The following EPHA10 variants were observed in gnomAD, a reference collection of about 807,000 sequenced individuals.
The protein encoded by EPHA10 is EPH receptor A10.
In EPHA10, 120 loss-of-function variants were observed where a neutral mutation model predicts 109.7. The observed-to-expected ratio is 1.09, with a 90% confidence interval of 0.94 to 1.27. EPHA10 has a LOEUF of 1.27. Ranked by LOEUF, EPHA10 falls within the 50% of genes most tolerant of loss-of-function variation. The pLI, the probability that EPHA10 is intolerant of heterozygous loss-of-function variation, is 0.00. For missense variants in EPHA10, 1,396 were observed against 1,411.1 expected, an observed-to-expected ratio of 0.99 and a Z score of 0.17; for synonymous variants, 640 against 618.9, an observed-to-expected ratio of 1.03 and a Z score of -0.51.
intron 5 of EPHA10, among the ~76,000 whole-genome samples, chr1:37,739,821 T>A (rs1403055014): frequency 6.6e-6 from 1 of 151,764 alleles, no homozygotes; most frequent in African/African-American, 2.4e-5. Context: ...CCCCAGGTAT[T>A]GGAGTTCATG....
chr1:37,751,247 A>G (rs945420499), intron 5 of EPHA10, among the ~76,000 whole-genome samples: 3 of 149,642 alleles, frequency 2.0e-5, no homozygotes, highest in Non-Finnish European at 4.5e-5. Context: ...AAAAAGAAAA[A>G]AAAAAAAGAA....
Position 37,754,604 on chromosome 1 carries a change from C to T in EPHA10, c.851-234G>A, listed in dbSNP as rs1569761897. 6.6e-6 allele frequency among the ~76,000 whole-genome samples: 1 copy of T among 150,478 alleles called. No individual in the cohort carries two copies. The highest frequency in any genetic ancestry group is 1.5e-5 in the Non-Finnish European group (1 of 67,836). The stretch of plus-strand genomic sequence containing the variant: ...GAAACATTTTACTTTCAGCCGGGCG[C>T]GGTGGCTCATGCCTGTAATCCCAGC... On this transcript the variant is annotated intron_variant, in intron 3 of 16. Transcript: ENST00000373048. The surrounding 1 kb of genome is among the most constrained non-coding windows in gnomAD (Gnocchi z 4.5).
In EPHA10 at chr1:37,761,535, G is replaced by A. The variant is rs1222128985; in HGVS notation, c.720C>T (p.Cys240=). Residue 240 remains cysteine (C), a synonymous_variant, in exon 3 of 17, where the codon TGC becomes TGT. Transcript: ENST00000373048. The stretch of plus-strand genomic sequence containing the variant: ...CAGGCTCCCCTTCCGAGTGCGCCAC[G>A]CACGTTCCGGCCACTTCCACCAGTG... The part of the protein sequence containing the change: ...FSTLVEVAGT[C]VAHSEGEPGS... The A allele has an allele frequency of 1.9e-6, 3 of 1,598,632 alleles. No individual in the cohort carries two copies. Among genetic ancestry groups the A allele is most frequent in the Non-Finnish European group, 2.5e-6 (3 of 1,177,486 alleles).
chr1:37,715,560 C>T (rs763025901), downstream of EPHA10, among the ~76,000 whole-genome samples: 1 of 152,166 alleles, frequency 6.6e-6, no homozygotes, highest in African/African-American at 2.4e-5. Context: ...GAGGTTCAGA[C>T]CAGATATCCA....
At chr1:37,731,703 A>G (rs1645986575) in intron 6 of EPHA10, 121 bp from the exon 7 acceptor site, 5 of 1,076,498 alleles carry the variant, frequency 4.6e-6, no homozygotes, top group Non-Finnish European at 6.5e-6. Flanking sequence ...GCTGAGTGCG[A>G]AAACCCAACC....
rs1646430899 is a variant in EPHA10 at position 37,761,560 on chromosome 1, G to A, written c.695C>T (p.Thr232Ile). ...GCACGTTCCGGCCACTTCCACCAGT[G>A]TGGAGAAGGCGCTCTCGGCTGCGGT... is the stretch of plus-strand genomic sequence containing the variant. ...PATAAESAFS[T>I]LVEVAGTCVA... The change falls in exon 3 of 17, where the codon ACA (threonine) becomes ATA (isoleucine). Residue 232 changes from threonine to isoleucine, a missense_variant. Transcript: ENST00000373048. 1 of 1,598,980 alleles carries A rather than the reference G, an allele frequency of 6.3e-7. No individual in the cohort carries two copies. Among genetic ancestry groups the A allele is most frequent in the Non-Finnish European group, 8.5e-7 (1 of 1,176,904 alleles).
At chr1:37,721,620 C>T (rs748628896) in intron 11 of EPHA10, 40 bp downstream of exon 11, 1 of 1,566,674 alleles carries the variant, frequency 6.4e-7, no homozygotes, top group South Asian at 1.2e-5. Context: ...ACCCCCCATA[C>T]CCGTGGGCTG....
Position 37,718,097 on chromosome 1 carries a change from G to A in EPHA10, c.*275C>T. 2.2e-6 allele frequency: 1 copy of A among 454,778 alleles called. No individual in the cohort carries two copies. Among genetic ancestry groups the A allele is most frequent in the Non-Finnish European group, 3.9e-6 (1 of 257,786 alleles). 28.2% of individuals were successfully genotyped at this position (454,778 alleles called of 1,614,324 possible). A position where few individuals can be genotyped will look rare whatever the true frequency, so the allele number is the denominator to read the frequency against. ...CATCCCTGCCCCAGCTTTTCTCTGA[G>A]ACCCCGAATTTCCTCCTGCTGTTAT... On this transcript the variant is annotated 3_prime_UTR_variant, in exon 17 of 17. Transcript: ENST00000373048.
intron 10 of EPHA10, chr1:37,722,335 G>A: frequency 4.4e-6 from 1 of 228,088 alleles, no homozygotes; most frequent in South Asian, 5.4e-5. Context: ...CACGCCGACT[G>A]CCATCAAACC....
Position 37,719,322 on chromosome 1 carries a change from G to A in EPHA10, c.2756+92C>T, listed in dbSNP as rs951639254. 53 of 1,406,968 alleles carry A rather than the reference G, an allele frequency of 3.8e-5. No individual in the cohort carries two copies. In the East Asian group the frequency reaches 1.2e-3, roughly 31 times the overall value. The allele number at this position is 1,406,968 out of a possible 1,614,324, so 87.2% of individuals were successfully genotyped here. A position where few individuals can be genotyped will look rare whatever the true frequency, so the allele number is the denominator to read the frequency against. On this transcript the variant is annotated intron_variant, in intron 15 of 16. Transcript: ENST00000373048. ...GGTGAACAATTGCTCTTGGACAGGT[G>A]GGGTGGTGGAGGCGGTGGGTTTGCA...
intron 10 of EPHA10, 58 bp downstream of exon 10, chr1:37,722,983 C>T: frequency 3.1e-6 from 5 of 1,612,634 alleles, no homozygotes; most frequent in South Asian, 2.2e-5. Flanking sequence ...AGGGGCGGGG[C>T]CTATAGAGTG....
At chr1:37,748,800 A>T (rs2148356799) in intron 5 of EPHA10, among the ~76,000 whole-genome samples, 1 of 152,150 alleles carries the variant, frequency 6.6e-6, no homozygotes, top group Admixed American at 6.5e-5. Context: ...TCCATTTCTG[A>T]TTTTTAGAAA....
In EPHA10 at chr1:37,761,685, C is replaced by T; in HGVS notation, c.570G>A (p.Leu190=). 6.2e-7 allele frequency: 1 copy of T among 1,612,356 alleles called. No individual in the cohort carries two copies. The highest frequency in any genetic ancestry group is 8.5e-7 in the Non-Finnish European group (1 of 1,179,888). ...CGCATGCGCCCACGTCCTGAAAGGC[C>T]AGGTGGAAACCCCGCCGGCTGAGCG... ...IGPLSRRGFH[L]AFQDVGACVA... is the part of the protein sequence containing the mutation. The change falls in exon 3 of 17, where the codon CTG becomes CTA. Residue 190 remains leucine (L), a synonymous_variant. Coordinates refer to ENST00000373048, the MANE Select transcript of EPHA10 (RefSeq NM_001099439.2).
At position 37,761,563 on chromosome 1, in the gene EPHA10, G is replaced by C; in HGVS notation, c.692C>G (p.Ser231Cys). The change falls in exon 3 of 17, where the codon TCC (serine) becomes TGC (cysteine). Residue 231 changes from serine (S) to cysteine (C), a missense_variant. Ser to Cys is a moderately radical substitution (Grantham distance 112, BLOSUM62 -1). Coordinates refer to ENST00000373048, the MANE Select transcript of EPHA10 (RefSeq NM_001099439.2). ...CGTTCCGGCCACTTCCACCAGTGTG[G>C]AGAAGGCGCTCTCGGCTGCGGTGGC... ...FPATAAESAF[S>C]TLVEVAGTCV... is the part of the protein sequence containing the mutation. 1 of 1,598,884 alleles carries C rather than the reference G, an allele frequency of 6.3e-7. No homozygotes were observed. Among genetic ancestry groups the C allele is most frequent in the African/African-American group, 1.3e-5 (1 of 74,868 alleles).
chr1:37,764,941 G>A lies in EPHA10; in HGVS notation c.106+20C>T, dbSNP rs373003433. 1,174 of 1,591,740 alleles carry A rather than the reference G, an allele frequency of 7.4e-4. 21 individuals carry two copies. The South Asian group carries it at 0.013, about 17-fold the overall frequency. Reference sequence around the variant, plus strand: ...CTTTTGGTATGCCACGCTCCGAGCAGAGCTCACCAGTCTTCTCACCTTCCT... The same window carrying A: ...CTTTTGGTATGCCACGCTCCGAGCAAAGCTCACCAGTCTTCTCACCTTCCT... On this transcript the variant is annotated intron_variant, in intron 1 of 16. Transcript: ENST00000373048. This position sits in a 1 kb window ranked among gnomAD's most constrained non-coding sequence, Gnocchi z 5.8.
chr1:37,720,580 G>A (rs1645775849), intron 12 of EPHA10, 26 bp from the exon 13 acceptor site: 1 of 1,593,570 alleles, frequency 6.3e-7, no homozygotes, highest in Non-Finnish European at 8.6e-7. Flanking sequence ...ACTGAGGCCA[G>A]GGCTGTGCGC....
intron 3 of EPHA10, chr1:37,756,588 C>G (rs1446217747): frequency 6.6e-6 from 1 of 152,348 alleles, no homozygotes; most frequent in Non-Finnish European, 1.5e-5. Flanking sequence ...CGGCAGCTTC[C>G]CCAGCAGTAG....
Position 37,718,324 on chromosome 1 carries a change from G to A in EPHA10, c.*48C>T. 6.7e-7 allele frequency: 1 copy of A among 1,490,360 alleles called. No homozygotes were observed. The highest frequency in any genetic ancestry group is 1.2e-5 in the South Asian group (1 of 80,002). 92.3% of individuals were successfully genotyped at this position (1,490,360 alleles called of 1,614,324 possible). A position where few individuals can be genotyped will look rare whatever the true frequency, so the allele number is the denominator to read the frequency against. On this transcript the variant is annotated 3_prime_UTR_variant, in exon 17 of 17. Transcript: ENST00000373048. ...TTGCCACGGTCCTTGGGCAGGGCTG[G>A]GGGACTGGACCCCCACCGGAGTCCT...
chr1:37,718,259 GA>G lies in EPHA10; in HGVS notation c.*112del, dbSNP rs1645722945. 2 of 903,520 alleles carry G rather than the reference GA, an allele frequency of 2.2e-6. No homozygotes were observed. The highest frequency in any genetic ancestry group is 3.5e-6 in the Non-Finnish European group (2 of 579,366). The allele number at this position is 903,520 out of a possible 1,614,324, so 56.0% of individuals were successfully genotyped here. ...GCCCCACCAGATCTGGGCCCAAGCA[GA>G]GGAAGAGAGCGCTCCCTCCCACACT... On this transcript the variant is annotated 3_prime_UTR_variant, in exon 17 of 17. Transcript: ENST00000373048.
Sources: gnomAD v4.1 joint callset for allele counts (sites outside exome capture counted in the v4.1 genomes callset) on GRCh38, gnomAD v4.1.1 for gene constraint, Gnocchi (gnomAD v3.1) non-coding constraint, MANE v1.5 for transcripts, NCBI Gene and HGNC (gene_info 2026-07-23, HGNC 2026-07-21) for gene names.